The following PLEKHA7 variants were observed in gnomAD, a reference collection of about 807,000 sequenced individuals.
The protein encoded by PLEKHA7 is pleckstrin homology domain-containing family A member 7.
Under a neutral mutation model 170.0 loss-of-function variants are expected in PLEKHA7, and 104 were observed. The observed-to-expected ratio is 0.61, with a 90% CI of 0.52 to 0.72. The LOEUF is 0.72. PLEKHA7 is among the 30% of genes least tolerant of loss of function. PLEKHA7 has a pLI of 0.00. For missense variants in PLEKHA7, 1,615 were observed against 1,671.7 expected, an observed-to-expected ratio of 0.97 and a Z score of 0.59; for synonymous variants, 648 against 660.8, an observed-to-expected ratio of 0.98 and a Z score of 0.30.
chr11:16,807,265 G>A (rs2134502512), intron 13 of PLEKHA7: 1 of 883,582 alleles, frequency 1.1e-6, no homozygotes, highest in South Asian at 5.2e-5. Context: ...AACGTAACAG[G>A]TGAGACATCA....
At chr11:16,950,579 C>T (rs1267950336) in intron 3 of PLEKHA7, among the ~76,000 whole-genome samples, 1 of 151,922 alleles carries the variant, frequency 6.6e-6, no homozygotes, top group Non-Finnish European at 1.5e-5. Context: ...GTCCGCAGGC[C>T]TTCCACAATC....
At chr11:16,820,519 C>T (rs747138517) in intron 10 of PLEKHA7, among the ~76,000 whole-genome samples, 11 of 151,736 alleles carry the variant, frequency 7.2e-5, no homozygotes, top group East Asian at 2.0e-4. Context: ...GCCTCTGAGA[C>T]GGGGCAGTGC....
In PLEKHA7 at chr11:16,826,256, G is replaced by C. The variant is rs1427835407; in HGVS notation, c.1207C>G (p.Pro403Ala). Residue 403 changes from proline (P) to alanine (A), a missense_variant, in exon 10 of 27, where the codon CCA becomes GCA. Physicochemically the swap from Pro to Ala is conservative, Grantham distance 27 (BLOSUM62 -1). Coordinates refer to ENST00000531066, the MANE Select transcript of PLEKHA7 (RefSeq NM_001329630.2). ...CCACCAGTCCCATTCTGTTCTCCTGGGCCATATGAGGCAGGCAGCATTCCA... is the reference window on the plus strand; with the variant it reads ...CCACCAGTCCCATTCTGTTCTCCTGCGCCATATGAGGCAGGCAGCATTCCA... Reference protein sequence around the residue: ...KNGMLPASYGPGEQNGTGGYQ... With the variant: ...KNGMLPASYGAGEQNGTGGYQ... 6.2e-7 allele frequency: 1 copy of C among 1,614,190 alleles called. No individual in the cohort carries two copies. The highest frequency in any genetic ancestry group is 8.5e-7 in the Non-Finnish European group (1 of 1,180,026).
At chr11:16,879,242 G>A (rs1015882696) in intron 3 of PLEKHA7, among the ~76,000 whole-genome samples, 2 of 152,122 alleles carry the variant, frequency 1.3e-5, no homozygotes, top group African/African-American at 4.8e-5. Flanking sequence ...CTTCAAGTAA[G>A]ATCCAAGGGT....
Position 16,801,704 on chromosome 11 carries a change from A to G in PLEKHA7, c.2271T>C (p.Leu757=). The change falls in exon 16 of 27, where the codon CTT becomes CTC. Residue 757 remains leucine (L), a synonymous_variant. Transcript: ENST00000531066. ...AYQQKLLQED[L]VHIRAELSRE... is the part of the protein sequence containing the mutation. ...TGGAGAGCTCAGCTCGGATATGGAC[A>G]AGGTCCTCCTGCAGCAACTTCTGCT... 1 of 1,614,128 alleles carries G rather than the reference A, an allele frequency of 6.2e-7. No individual in the cohort carries two copies. The highest frequency in any genetic ancestry group is 8.5e-7 in the Non-Finnish European group (1 of 1,180,020).
At chr11:16,864,717 C>A (rs1414466803) in intron 4 of PLEKHA7, among the ~76,000 whole-genome samples, 1 of 152,202 alleles carries the variant, frequency 6.6e-6, no homozygotes, top group Non-Finnish European at 1.5e-5. Flanking sequence ...TGTGACTTTG[C>A]TCCTTATTTG....
intron 3 of PLEKHA7, among the ~76,000 whole-genome samples, chr11:16,912,952 T>C (rs545669587): frequency 1.3e-5 from 2 of 152,268 alleles, no homozygotes; most frequent in African/African-American, 4.8e-5. Context: ...TATATTCATT[T>C]CTCTTCCAAA....
intron 26 of PLEKHA7, among the ~76,000 whole-genome samples, chr11:16,780,564 G>A (rs1321341625): frequency 5.9e-5 from 9 of 152,206 alleles, no homozygotes; most frequent in Non-Finnish European, 1.5e-5. Context: ...CCAAAGCCCT[G>A]AAAGGCCAAG....
At chr11:16,889,420 A>AAAAATATATAT (rs61086849) in intron 3 of PLEKHA7, among the ~76,000 whole-genome samples, 2 of 74,684 alleles carry the variant, frequency 2.7e-5, no homozygotes, top group African/African-American at 6.3e-5. Flanking sequence ...AAAAAAAAAA[A>AAAAATATATAT]ATATATATAT....
intron 3 of PLEKHA7, among the ~76,000 whole-genome samples, chr11:16,940,027 AG>A (rs1183230637): frequency 6.6e-6 from 1 of 152,162 alleles, no homozygotes; most frequent in Non-Finnish European, 1.5e-5. Context: ...AGCCAAAGCC[AG>A]GGCCACTGGT....
intron 3 of PLEKHA7, among the ~76,000 whole-genome samples, chr11:16,999,828 G>A (rs1197501950): frequency 6.6e-6 from 1 of 152,148 alleles, no homozygotes; most frequent in Non-Finnish European, 1.5e-5. Flanking sequence ...TCTACTTTCA[G>A]TGTCCATAAG....
At chr11:16,790,361 G>A (rs527648231) in intron 21 of PLEKHA7, 171 of 204,632 alleles carry the variant, frequency 8.4e-4, no homozygotes, top group Non-Finnish European at 1.4e-3. Flanking sequence ...CCAGCACTCC[G>A]GCCTACAGGG....
chr11:16,946,996 C>G (rs546449103), intron 3 of PLEKHA7, among the ~76,000 whole-genome samples: 2 of 152,152 alleles, frequency 1.3e-5, no homozygotes, highest in Non-Finnish European at 2.9e-5. Flanking sequence ...GCTGCTGGTT[C>G]CAAAACGCAG....
chr11:16,838,915 T>C (rs535435223), intron 9 of PLEKHA7, among the ~76,000 whole-genome samples: 2 of 152,228 alleles, frequency 1.3e-5, no homozygotes, highest in South Asian at 2.1e-4. Flanking sequence ...CTCGATCTCC[T>C]GACCTCATGA....
intron 3 of PLEKHA7, among the ~76,000 whole-genome samples, chr11:16,912,310 T>A (rs1347592338): frequency 1.3e-5 from 2 of 152,242 alleles, no homozygotes; most frequent in African/African-American, 4.8e-5. Context: ...CTCACTGGGC[T>A]AAGGCCTTGC....
intron 3 of PLEKHA7, among the ~76,000 whole-genome samples, chr11:16,945,637 A>C (rs1054143339): frequency 2.0e-5 from 3 of 152,264 alleles, no homozygotes; most frequent in Admixed American, 1.3e-4. Context: ...AAAGTTTCTA[A>C]GCAGGGGCAG....
At chr11:16,905,739 C>G (rs1475804349) in intron 3 of PLEKHA7, among the ~76,000 whole-genome samples, 1 of 152,238 alleles carries the variant, frequency 6.6e-6, no homozygotes, top group Admixed American at 6.5e-5. Flanking sequence ...CCCACTCCAC[C>G]ATCCCCTGGA....
intron 9 of PLEKHA7, among the ~76,000 whole-genome samples, chr11:16,834,968 G>A (rs1403681581): frequency 6.6e-6 from 1 of 152,082 alleles, no homozygotes; most frequent in East Asian, 1.9e-4. Flanking sequence ...ACAAACAAGA[G>A]AACAAAAGTC....
intron 3 of PLEKHA7, among the ~76,000 whole-genome samples, chr11:16,901,528 G>T (rs1054404182): frequency 1.3e-5 from 2 of 152,110 alleles, no homozygotes; most frequent in Admixed American, 1.3e-4. Context: ...GGGTGGGAAG[G>T]AACAGCTTTA....
Sources: allele counts gnomAD v4.1 joint callset (sites outside exome capture counted in the v4.1 genomes callset), GRCh38; gene constraint gnomAD v4.1.1; transcripts MANE v1.5; gene names NCBI Gene and HGNC (gene_info 2026-07-23, HGNC 2026-07-21).